The following NTN1 variants were observed in gnomAD, a reference collection of about 807,000 sequenced individuals.
NTN1 encodes the protein netrin-1.
NTN1 carries 11 observed loss-of-function variants against 54.2 expected under a neutral mutation model. The observed-to-expected ratio is 0.20, with a 90% CI of 0.13 to 0.34. The LOEUF (loss-of-function observed/expected upper bound fraction) is 0.34, where lower values mean the gene tolerates loss of function less well. Ranked by LOEUF, NTN1 falls within the 10% of genes least tolerant of loss-of-function variation. NTN1 has a pLI of 1.00. For synonymous variants in NTN1, 371 were observed against 382.0 expected (o/e 0.97, Z 0.33); for missense variants, 740 against 893.1 (o/e 0.83, Z 2.18).
At chr17:9,083,568 T>C (rs1275446287) in intron 2 of NTN1, among the ~76,000 whole-genome samples, 1 of 152,240 alleles carries the variant, frequency 6.6e-6, no homozygotes, top group East Asian at 1.9e-4. Context: ...GTAAATAAGG[T>C]ACCTAGCTCT....
chr17:9,035,337 G>A (rs1027556009), intron 2 of NTN1, among the ~76,000 whole-genome samples: 4 of 152,206 alleles, frequency 2.6e-5, no homozygotes, highest in Non-Finnish European at 5.9e-5. Flanking sequence ...TCCATGTATA[G>A]TAGTAGTTTC....
chr17:9,053,665 A>C (rs995754677), intron 2 of NTN1, among the ~76,000 whole-genome samples: 3 of 152,362 alleles, frequency 2.0e-5, no homozygotes, highest in African/African-American at 7.2e-5. Flanking sequence ...TGCTTAGTAC[A>C]TATACAGTGG....
At chr17:9,070,829 T>G (rs1040620046) in intron 2 of NTN1, among the ~76,000 whole-genome samples, 1 of 151,728 alleles carries the variant, frequency 6.6e-6, no homozygotes. Flanking sequence ...TGACCTCAGG[T>G]GATCTGCCCG....
At chr17:9,150,838 G>T (rs563802234) in intron 2 of NTN1, among the ~76,000 whole-genome samples, 1 of 152,200 alleles carries the variant, frequency 6.6e-6, no homozygotes, top group African/African-American at 2.4e-5. Context: ...AGCAGATTTG[G>T]GGGATGGCCC....
chr17:9,118,390 C>T (rs1263436669), intron 2 of NTN1, among the ~76,000 whole-genome samples: 1 of 152,192 alleles, frequency 6.6e-6, no homozygotes, highest in Admixed American at 6.5e-5. Context: ...TGGTGGTGCG[C>T]ACCTGTAGTC....
intron 6 of NTN1, among the ~76,000 whole-genome samples, chr17:9,238,548 G>A (rs1281515754): frequency 3.9e-5 from 6 of 152,054 alleles, no homozygotes; most frequent in Non-Finnish European, 7.4e-5. Flanking sequence ...CCCCAAGAAG[G>A]CCCCATGAGG....
chr17:9,179,835 T>C lies in NTN1; in HGVS notation c.1236T>C (p.Ala412=), dbSNP rs774856989. 1 of 1,614,056 alleles carries C rather than the reference T, an allele frequency of 6.2e-7. No homozygotes were observed. Among genetic ancestry groups the C allele is most frequent in the Non-Finnish European group, 8.5e-7 (1 of 1,179,986 alleles). Residue 412 remains alanine (A), a synonymous_variant, in exon 4 of 7, where the codon GCT becomes GCC. Coordinates refer to ENST00000173229, the MANE Select transcript of NTN1 (RefSeq NM_004822.3). ...KACDCHPVGA[A]GKTCNQTTGQ... ...GTGATTGCCACCCTGTGGGTGCTGC[T>C]GGCAAAACCTGCAACCAAACCACCG...
At chr17:9,085,248 C>G (rs149937210) in intron 2 of NTN1, among the ~76,000 whole-genome samples, 1 of 152,196 alleles carries the variant, frequency 6.6e-6, no homozygotes. Context: ...GCCCCCTGTC[C>G]AGCTGCTCTG....
At chr17:9,032,650 T>C (rs1469481297) in intron 2 of NTN1, among the ~76,000 whole-genome samples, 1 of 152,232 alleles carries the variant, frequency 6.6e-6, no homozygotes, top group East Asian at 1.9e-4. Flanking sequence ...ACATTGTGTT[T>C]ACAGATACAG....
the NTN1 span, among the ~76,000 whole-genome samples, chr17:9,013,633 T>A: frequency 6.6e-6 from 1 of 152,210 alleles, no homozygotes; most frequent in East Asian, 1.9e-4. Flanking sequence ...CACAAGGTCT[T>A]GAGATTCTCC....
At chr17:9,055,920 C>T (rs771415612) in intron 2 of NTN1, among the ~76,000 whole-genome samples, 8 of 150,878 alleles carry the variant, frequency 5.3e-5, no homozygotes, top group African/African-American at 7.3e-5. Flanking sequence ...TTTTTGAGAC[C>T]GAGTTTCGCT....
intron 2 of NTN1, among the ~76,000 whole-genome samples, chr17:9,039,015 T>C (rs768097952): frequency 6.6e-6 from 1 of 152,190 alleles, no homozygotes; most frequent in Non-Finnish European, 1.5e-5. Context: ...AGAAACATCA[T>C]TTTTTGTCAC....
intron 2 of NTN1, among the ~76,000 whole-genome samples, chr17:9,119,087 C>T (rs35224737): frequency 0.063 from 9,532 of 152,270 alleles, 417 homozygotes; most frequent in Non-Finnish European, 0.095. Context: ...TGGCTGTAAC[C>T]ATCTTATGTT....
At chr17:9,052,035 C>T (rs1167797222) in intron 2 of NTN1, among the ~76,000 whole-genome samples, 1 of 151,810 alleles carries the variant, frequency 6.6e-6, no homozygotes, top group Non-Finnish European at 1.5e-5. Context: ...TGCAATGATG[C>T]GATCTCAGCT....
At chr17:9,124,446 G>A (rs1189574467) in intron 2 of NTN1, among the ~76,000 whole-genome samples, 1 of 152,198 alleles carries the variant, frequency 6.6e-6, no homozygotes, top group African/African-American at 2.4e-5. Context: ...AAGCCGGCTG[G>A]GTGGTCTGCC....
At chr17:9,042,603 A>G (rs1189327423) in intron 2 of NTN1, among the ~76,000 whole-genome samples, 1 of 151,966 alleles carries the variant, frequency 6.6e-6, no homozygotes, top group South Asian at 2.1e-4. Flanking sequence ...CCTGACCAAC[A>G]TGGTGAAACC....
chr17:9,158,612 G>T (rs1420206612), intron 2 of NTN1, among the ~76,000 whole-genome samples: 1 of 152,188 alleles, frequency 6.6e-6, no homozygotes, highest in Non-Finnish European at 1.5e-5. Flanking sequence ...AGCCAGAAGG[G>T]TAGGGTTCCC....
intron 2 of NTN1, among the ~76,000 whole-genome samples, chr17:9,127,071 C>CT (rs1555570062): frequency 1.2e-5 from 1 of 81,894 alleles, no homozygotes; most frequent in African/African-American, 4.8e-5. Context: ...GTGGTAGGGC[C>CT]GGGGGGGGGC....
chr17:9,057,101 T>A (rs2091981844), intron 2 of NTN1, among the ~76,000 whole-genome samples: 1 of 152,082 alleles, frequency 6.6e-6, no homozygotes, highest in South Asian at 2.1e-4. Flanking sequence ...GAAGAAGGTG[T>A]TGTTGAGGTG....
Sources: allele counts gnomAD v4.1 joint callset (sites outside exome capture counted in the v4.1 genomes callset), GRCh38; gene constraint gnomAD v4.1.1; transcripts MANE v1.5; gene names NCBI Gene and HGNC (gene_info 2026-07-23, HGNC 2026-07-21).